The following ANO6 variants were observed in gnomAD, a reference collection of about 807,000 sequenced individuals.
The protein encoded by ANO6 is anoctamin-6.
Under a neutral mutation model 117.5 loss-of-function variants are expected in ANO6, and 106 were observed. That is an observed-to-expected ratio of 0.90 (90% CI 0.77 to 1.06). The LOEUF (loss-of-function observed/expected upper bound fraction) is 1.06. ANO6 is among the 50% of genes least tolerant of loss of function. The probability of loss-of-function intolerance (pLI) is 0.00; values close to 1 mark genes in which losing one functional copy is unlikely to be tolerated. For synonymous variants in ANO6, 367 were observed against 385.1 expected (o/e 0.95, Z 0.55); for missense variants, 955 against 1,121.1 (o/e 0.85, Z 2.12).
chr12:45,261,757 T>C (rs560768888), intron 1 of ANO6, among the ~76,000 whole-genome samples: 28 of 152,230 alleles, frequency 1.8e-4, no homozygotes, highest in Admixed American at 7.2e-4. Context: ...TTTGATCCAG[T>C]TGGTCACTTG....
At chr12:45,439,926 T>C in exon 20 of ANO6, 2 of 1,483,492 alleles carry the variant, frequency 1.3e-6, no homozygotes, top group Non-Finnish European at 1.8e-6. Flanking sequence ...CTGTATCGAA[T>C]TTCTTAAGTT....
chr12:45,423,672 C>G (rs1943422444), intron 19 of ANO6, among the ~76,000 whole-genome samples: 1 of 152,164 alleles, frequency 6.6e-6, no homozygotes, highest in Non-Finnish European at 1.5e-5. Context: ...TGTGGTTGCT[C>G]CTGAATCAAT....
At chr12:45,389,983 T>G (rs1330864229) in intron 11 of ANO6, among the ~76,000 whole-genome samples, 1 of 152,182 alleles carries the variant, frequency 6.6e-6, no homozygotes, top group Non-Finnish European at 1.5e-5. Context: ...CTCTAAAAAT[T>G]TATTCAAAGT....
At chr12:45,342,366 A>C (rs1355683571) in intron 3 of ANO6, among the ~76,000 whole-genome samples, 2 of 152,210 alleles carry the variant, frequency 1.3e-5, no homozygotes, top group Non-Finnish European at 2.9e-5. Flanking sequence ...TGTTTGACAG[A>C]ACTGCCCTCG....
chr12:45,343,454 A>G (rs912811322), intron 3 of ANO6, among the ~76,000 whole-genome samples: 1 of 152,156 alleles, frequency 6.6e-6, no homozygotes, highest in Admixed American at 6.6e-5. Flanking sequence ...CCCTTTGTAC[A>G]GCCTCAGGGT....
downstream of ANO6, among the ~76,000 whole-genome samples, chr12:45,434,862 C>T (rs1003675429): frequency 6.6e-6 from 1 of 152,192 alleles, no homozygotes; most frequent in Admixed American, 6.5e-5. Flanking sequence ...CATGGGATCC[C>T]ATAGAGAACT....
intron 8 of ANO6, among the ~76,000 whole-genome samples, chr12:45,363,669 C>T (rs1941613925): frequency 1.3e-5 from 2 of 152,152 alleles, no homozygotes; most frequent in African/African-American, 4.8e-5. Flanking sequence ...TTGTAGCTCC[C>T]ATAATTCCCA....
At chr12:45,328,245 G>A (rs140257873) in intron 2 of ANO6, among the ~76,000 whole-genome samples, 1 of 152,160 alleles carries the variant, frequency 6.6e-6, no homozygotes, top group Non-Finnish European at 1.5e-5. Context: ...CTGACTTCCT[G>A]TGTGGCTCCC....
At chr12:45,409,217 A>G (rs2137656984) in intron 15 of ANO6, 140 bp from the exon 16 acceptor site, 1 of 1,145,466 alleles carries the variant, frequency 8.7e-7, no homozygotes, top group East Asian at 2.6e-5. Flanking sequence ...GGAGGCAGAA[A>G]TAAAAACAAA....
chr12:45,252,822 T>G (rs900537687), intron 1 of ANO6, among the ~76,000 whole-genome samples: 1 of 152,254 alleles, frequency 6.6e-6, no homozygotes, highest in African/African-American at 2.4e-5. Flanking sequence ...CAACATATGT[T>G]AAGTCAAAAT....
At chr12:45,295,137 T>C (rs1251039419) in intron 1 of ANO6, among the ~76,000 whole-genome samples, 1 of 152,230 alleles carries the variant, frequency 6.6e-6, no homozygotes, top group Admixed American at 6.5e-5. Context: ...TAGCAATACA[T>C]AGCCATCATG....
In ANO6 at chr12:45,284,568, C is replaced by T. The variant is rs539690665; in HGVS notation, c.71-17446C>T. Among the ~76,000 whole-genome samples the T allele has an allele frequency of 2.7e-3, 416 of 152,334 alleles. 1 individual carries two copies. Among genetic ancestry groups the T allele is most frequent in the Non-Finnish European group, 5.2e-3 (351 of 68,036 alleles). The stretch of plus-strand genomic sequence containing the variant: ...TGCTGATGCCCACCAGGGGCTACCT[C>T]GTCCAACTCCCAGCCAGGCTGCTTT... On this transcript the variant is annotated intron_variant, in intron 1 of 19. Coordinates refer to ENST00000320560, the MANE Select transcript of ANO6 (RefSeq NM_001025356.3).
intron 1 of ANO6, among the ~76,000 whole-genome samples, chr12:45,291,474 A>G (rs1457210814): frequency 6.6e-6 from 1 of 152,144 alleles, no homozygotes; most frequent in Non-Finnish European, 1.5e-5. Context: ...GGACTTGAGA[A>G]AATTAAAAAT....
At chr12:45,258,614 G>C (rs1937918765) in intron 1 of ANO6, among the ~76,000 whole-genome samples, 1 of 151,908 alleles carries the variant, frequency 6.6e-6, no homozygotes, top group Non-Finnish European at 1.5e-5. Flanking sequence ...TGCCTTCCCT[G>C]TACACTGTGA....
At position 45,409,360 on chromosome 12, in the gene ANO6, G is replaced by A. The variant is rs746812125; in HGVS notation, c.1884G>A (p.Trp628Ter). 6.2e-7 allele frequency: 1 copy of A among 1,613,872 alleles called. No individual in the cohort carries two copies. Among genetic ancestry groups the A allele is most frequent in the Non-Finnish European group, 8.5e-7 (1 of 1,179,886 alleles). Residue 628 changes from tryptophan to a stop codon, truncating the protein, a stop_gained, in exon 16 of 20, where the codon TGG becomes TGA. Transcript: ENST00000320560. LOFTEE classifies it high-confidence loss of function. ...WNNIQEVLLP[W>*]IMNLIGRFHR... Reference sequence around the variant, plus strand: ...TATAAATTGTTCTTTTTGGCAGCTGGATCATGAATCTAATTGGGCGATTTC... The same window carrying A: ...TATAAATTGTTCTTTTTGGCAGCTGAATCATGAATCTAATTGGGCGATTTC...
At chr12:45,254,434 A>G (rs900907926) in intron 1 of ANO6, among the ~76,000 whole-genome samples, 11 of 152,290 alleles carry the variant, frequency 7.2e-5, no homozygotes, top group African/African-American at 2.6e-4. Context: ...CAGTGAAGGT[A>G]ATTTTTCAGA....
chr12:45,397,722 G>A (rs1942661453), intron 12 of ANO6, among the ~76,000 whole-genome samples: 1 of 152,276 alleles, frequency 6.6e-6, no homozygotes, highest in East Asian at 1.9e-4. Context: ...ATTCTGAGCA[G>A]ACTATCACAA....
At chr12:45,272,296 A>G (rs1317227592) in intron 1 of ANO6, among the ~76,000 whole-genome samples, 1 of 151,978 alleles carries the variant, frequency 6.6e-6, no homozygotes, top group Non-Finnish European at 1.5e-5. Context: ...TCAGCAGTGC[A>G]TTCTGGAAGT....
At chr12:45,229,092 G>A (rs1947533055) in intron 1 of ANO6, among the ~76,000 whole-genome samples, 2 of 152,106 alleles carry the variant, frequency 1.3e-5, no homozygotes, top group South Asian at 4.2e-4. Flanking sequence ...CTTTTCTCAG[G>A]GTCCGGGATG....
Sources: allele counts gnomAD v4.1 joint callset (sites outside exome capture counted in the v4.1 genomes callset), GRCh38; gene constraint gnomAD v4.1.1; transcripts MANE v1.5; gene names NCBI Gene and HGNC (gene_info 2026-07-23, HGNC 2026-07-21).